DUS2: variants seen among roughly 807,000 people sequenced by gnomAD.
DUS2 encodes the protein tRNA-dihydrouridine(20) synthase [NAD(P)+]-like.
In DUS2, 52 loss-of-function variants were observed where a neutral mutation model predicts 71.3. That is an observed-to-expected ratio of 0.73 (90% CI 0.58 to 0.92). DUS2 has a LOEUF of 0.92. DUS2 is among the 40% of genes least tolerant of loss of function. The pLI, the probability that DUS2 is intolerant of heterozygous loss-of-function variation, is 0.00. For missense variants in DUS2, 558 were observed against 622.6 expected, an observed-to-expected ratio of 0.90 and a Z score of 1.10; for synonymous variants, 204 against 227.8, an observed-to-expected ratio of 0.90 and a Z score of 0.94.
chr16:68,039,575 C>T (rs1026025152), intron 3 of DUS2, among the ~76,000 whole-genome samples: 6 of 152,190 alleles, frequency 3.9e-5, no homozygotes, highest in South Asian at 2.1e-4. Context: ...TCCGCCACCA[C>T]GCCTGGCTAA....
chr16:68,078,450 A>G lies in DUS2; in HGVS notation c.1176A>G (p.Gln392=), dbSNP rs903352102. The G allele has an allele frequency of 4.3e-6, 7 of 1,613,908 alleles. No homozygotes were observed. In the Admixed American group the frequency reaches 5.0e-5, roughly 12 times the overall value. Residue 392 remains glutamine (Q), a synonymous_variant, in exon 16 of 17, where the codon CAA becomes CAG. Coordinates refer to ENST00000565263, the MANE Select transcript of DUS2 (RefSeq NM_017803.5). Reference sequence around the variant, plus strand: ...TCCTTTTCTCTTTGTATCAGGTTCAACGCCCTCTAGATCGCCTGTTCTCCT... The same window carrying G: ...TCCTTTTCTCTTTGTATCAGGTTCAGCGCCCTCTAGATCGCCTGTTCTCCT... ...KLAQPVYETV[Q]RPLDRLFSSI...
chr16:68,047,833 T>A (rs1555509698), intron 3 of DUS2, among the ~76,000 whole-genome samples: 1 of 150,908 alleles, frequency 6.6e-6, no homozygotes, highest in Non-Finnish European at 1.5e-5. Context: ...CAGGGTGGCA[T>A]GCAGTGGCAC....
chr16:68,050,049 T>C (rs1397626913), intron 4 of DUS2, among the ~76,000 whole-genome samples: 1 of 152,242 alleles, frequency 6.6e-6, no homozygotes, highest in Non-Finnish European at 1.5e-5. Flanking sequence ...AATTGTAGTT[T>C]TGCTGATACT....
intron 2 of DUS2, among the ~76,000 whole-genome samples, chr16:68,031,853 C>G (rs2033445006): frequency 6.6e-6 from 1 of 152,034 alleles, no homozygotes; most frequent in African/African-American, 2.4e-5. Context: ...CACCACCATG[C>G]CTGGCTAATT....
chr16:68,034,100 CTG>C (rs1277422940), intron 2 of DUS2, among the ~76,000 whole-genome samples: 3 of 147,230 alleles, frequency 2.0e-5, no homozygotes, highest in Admixed American at 2.0e-4. Context: ...CAGGGTCTCA[CTG>C]TCACCCAGGC....
Position 68,075,281 on chromosome 16 carries a change from G to T in DUS2, c.933-74G>T, listed in dbSNP as rs1238567325. ...GGTAGAGGAGTTTCTCAGTGGTGGG[G>T]CCCTGGGGTCCTGCAGTACCCTGGA... On this transcript the variant is annotated intron_variant, in intron 13 of 16. Coordinates refer to ENST00000565263, the MANE Select transcript of DUS2 (RefSeq NM_017803.5). 3 of 1,423,680 alleles carry T rather than the reference G, an allele frequency of 2.1e-6. No individual in the cohort carries two copies. In the Admixed American group the frequency reaches 7.4e-5, roughly 35 times the overall value. 88.2% of individuals were successfully genotyped at this position (1,423,680 alleles called of 1,614,324 possible). A position where few individuals can be genotyped will look rare whatever the true frequency, so the allele number is the denominator to read the frequency against.
chr16:68,071,826 A>AAC (rs2034091056), intron 12 of DUS2, among the ~76,000 whole-genome samples: 1 of 151,966 alleles, frequency 6.6e-6, no homozygotes, highest in Non-Finnish European at 1.5e-5. Flanking sequence ...TTTAATAGAG[A>AAC]TGAGGTCTCC....
At chr16:68,033,838 GC>G (rs1235222553) in intron 2 of DUS2, among the ~76,000 whole-genome samples, 1 of 151,702 alleles carries the variant, frequency 6.6e-6, no homozygotes, top group Non-Finnish European at 1.5e-5. Flanking sequence ...CACCATATTG[GC>G]CAGGCTAGTC....
chr16:68,030,413 G>A (rs533396843), intron 2 of DUS2, among the ~76,000 whole-genome samples: 3 of 152,118 alleles, frequency 2.0e-5, no homozygotes, highest in African/African-American at 4.8e-5. Context: ...GGCCAACATG[G>A]TGAAACCCCG....
At chr16:68,060,418 ATTC>A (rs1239803094) in intron 7 of DUS2, among the ~76,000 whole-genome samples, 2 of 152,018 alleles carry the variant, frequency 1.3e-5, no homozygotes, top group Non-Finnish European at 2.9e-5. Flanking sequence ...GGTTCAAGCA[ATTC>A]TTCTGCCTCA....
At chr16:68,043,661 A>G (rs1359270146) in intron 3 of DUS2, among the ~76,000 whole-genome samples, 2 of 152,174 alleles carry the variant, frequency 1.3e-5, no homozygotes, top group African/African-American at 4.8e-5. Context: ...TTAGAAAGAA[A>G]TAATTTCTTT....
At chr16:68,038,786 AT>A (rs2033574423) in intron 3 of DUS2, among the ~76,000 whole-genome samples, 1 of 150,602 alleles carries the variant, frequency 6.6e-6, no homozygotes, top group Non-Finnish European at 1.5e-5. Flanking sequence ...GTGGTAGCTC[AT>A]GCCGTAATAC....
chr16:68,044,853 C>G (rs1437943276), intron 3 of DUS2, among the ~76,000 whole-genome samples: 1 of 152,118 alleles, frequency 6.6e-6, no homozygotes, highest in Non-Finnish European at 1.5e-5. Context: ...AGTGCAGTGG[C>G]GCAATCTCAG....
chr16:68,032,807 G>C (rs1181842938), intron 2 of DUS2, among the ~76,000 whole-genome samples: 2 of 151,508 alleles, frequency 1.3e-5, no homozygotes, highest in Non-Finnish European at 2.9e-5. Flanking sequence ...CCAGCTACTC[G>C]GGAGGCTGAG....
At chr16:68,023,447 G>A in intron 1 of DUS2, 96 bp downstream of exon 1, 1 of 551,630 alleles carries the variant, frequency 1.8e-6, no homozygotes, top group Admixed American at 3.5e-5. Context: ...GGCGATACGA[G>A]GCGGCAGTGG....
chr16:68,029,374 C>T (rs2033404786), intron 2 of DUS2, among the ~76,000 whole-genome samples: 1 of 152,048 alleles, frequency 6.6e-6, no homozygotes, highest in South Asian at 2.1e-4. Flanking sequence ...AACTCTTGGG[C>T]TCAAATGATC....
At chr16:68,071,245 C>A in intron 12 of DUS2, 137 bp downstream of exon 12, 2 of 890,008 alleles carry the variant, frequency 2.2e-6, no homozygotes, top group Non-Finnish European at 3.4e-6. Context: ...TGTAGTGTAG[C>A]TGCACTAGCT....
chr16:68,061,296 G>A (rs770443853), intron 8 of DUS2, among the ~76,000 whole-genome samples, 183 bp downstream of exon 8: 54 of 152,170 alleles, frequency 3.5e-4, no homozygotes, highest in Non-Finnish European at 6.5e-4. Flanking sequence ...GGGAACCCCC[G>A]AGCCAGCCTA....
chr16:68,031,725 C>T (rs766474253), intron 2 of DUS2, among the ~76,000 whole-genome samples: 2 of 151,838 alleles, frequency 1.3e-5, no homozygotes, highest in Non-Finnish European at 1.5e-5. Flanking sequence ...GATGGAATCT[C>T]ACTCTGTTGC....
Sources: allele counts gnomAD v4.1 joint callset (sites outside exome capture counted in the v4.1 genomes callset), GRCh38; gene constraint gnomAD v4.1.1; transcripts MANE v1.5; gene names NCBI Gene and HGNC (gene_info 2026-07-23, HGNC 2026-07-21).